Variants in CLCN3 observed in about 807,000 individuals in gnomAD.
The protein encoded by CLCN3 is H(+)/Cl(-) exchange transporter 3.
Under a neutral mutation model 83.4 loss-of-function variants are expected in CLCN3, and 16 were observed. The ratio of observed to expected loss-of-function variants is 0.19; its 90% CI spans 0.13 to 0.29. The LOEUF is 0.29. CLCN3 is among the 10% of genes least tolerant of loss of function. CLCN3 has a pLI of 1.00. For missense variants in CLCN3, 544 were observed against 1,006.0 expected (o/e 0.54, Z 6.21); for synonymous variants, 322 against 346.2 (o/e 0.93, Z 0.78).
chr4:169,702,942 C>T (rs1461395757), intron 9 of CLCN3: 1 of 165,618 alleles, frequency 6.0e-6, no homozygotes, highest in African/African-American at 2.3e-5. Flanking sequence ...GGACTAATTT[C>T]AATATCATTG....
chr4:169,629,216 A>G (rs1215214838), intron 1 of CLCN3, among the ~76,000 whole-genome samples: 1 of 152,140 alleles, frequency 6.6e-6, no homozygotes, highest in East Asian at 1.9e-4. Context: ...CTTGATTGTG[A>G]TATTGTACTA....
At chr4:169,660,720 G>A (rs1316116128) in intron 2 of CLCN3, among the ~76,000 whole-genome samples, 1 of 152,154 alleles carries the variant, frequency 6.6e-6, no homozygotes, top group African/African-American at 2.4e-5. Context: ...CTCTGAAAAT[G>A]AATTAATCTG....
chr4:169,704,251 C>A, intron 10 of CLCN3, 67 bp downstream of exon 10: 1 of 1,457,208 alleles, frequency 6.9e-7, no homozygotes. Context: ...GAAAGTGGGA[C>A]ACATTCTTGC....
intron 2 of CLCN3, among the ~76,000 whole-genome samples, chr4:169,670,190 C>G (rs980847232): frequency 1.3e-5 from 2 of 152,164 alleles, no homozygotes; most frequent in African/African-American, 4.8e-5. Context: ...GTCATGAAGT[C>G]TTTGCCAGTG....
chr4:169,679,465 C>A (rs1239810009), intron 2 of CLCN3, among the ~76,000 whole-genome samples: 2 of 151,588 alleles, frequency 1.3e-5, no homozygotes, highest in African/African-American at 2.4e-5. Flanking sequence ...CAGGCAGAGA[C>A]GCTCCTCACT....
intron 2 of CLCN3, among the ~76,000 whole-genome samples, chr4:169,676,187 TATG>T (rs1458078706): frequency 6.6e-6 from 1 of 152,234 alleles, no homozygotes; most frequent in African/African-American, 2.4e-5. Context: ...TGCAATTTAT[TATG>T]GCCAATTTTT....
intron 1 of CLCN3, among the ~76,000 whole-genome samples, chr4:169,635,116 C>A (rs1484016723): frequency 6.6e-6 from 1 of 152,122 alleles, no homozygotes; most frequent in Admixed American, 6.5e-5. Flanking sequence ...CTGTCATTTT[C>A]TGTGTGTACT....
chr4:169,626,625 G>C (rs1042010305), intron 1 of CLCN3, among the ~76,000 whole-genome samples: 1 of 152,154 alleles, frequency 6.6e-6, no homozygotes, highest in African/African-American at 2.4e-5. Context: ...GGCAGGAAAA[G>C]GTCAGCAAGA....
intron 2 of CLCN3, among the ~76,000 whole-genome samples, chr4:169,670,408 T>C (rs1359664760): frequency 2.6e-5 from 4 of 152,214 alleles, no homozygotes; most frequent in African/African-American, 9.7e-5. Context: ...TCAAGTTTGC[T>C]GAAGATCAGA....
chr4:169,632,649 G>A (rs1346333768), intron 1 of CLCN3, among the ~76,000 whole-genome samples: 3 of 149,660 alleles, frequency 2.0e-5, no homozygotes, highest in Non-Finnish European at 4.4e-5. Context: ...CCCAGGAGGC[G>A]GAGTTTGCAG....
At chr4:169,688,933 T>A (rs1732261522) in intron 4 of CLCN3, 110 bp from the exon 5 acceptor site, 1 of 785,788 alleles carries the variant, frequency 1.3e-6, no homozygotes, top group Non-Finnish European at 2.1e-6. Context: ...AGTTCATAAA[T>A]GACCCTTTAT....
intron 12 of CLCN3, among the ~76,000 whole-genome samples, chr4:169,718,581 A>C (rs944749310): frequency 1.3e-5 from 2 of 152,194 alleles, no homozygotes; most frequent in African/African-American, 4.8e-5. Context: ...ATTCATTTTA[A>C]CTGGCTTTAT....
At chr4:169,689,445 T>C (rs191127833) in intron 5 of CLCN3, among the ~76,000 whole-genome samples, 84 of 152,320 alleles carry the variant, frequency 5.5e-4, no homozygotes, top group Middle Eastern at 3.4e-3. Flanking sequence ...ATCCTCTGGA[T>C]TGTGGTGCAA....
At chr4:169,709,923 C>A (rs1733144295) in intron 11 of CLCN3, among the ~76,000 whole-genome samples, 1 of 150,242 alleles carries the variant, frequency 6.7e-6, no homozygotes. Flanking sequence ...CATAGCAAGA[C>A]CTTTGTCTCT....
intron 2 of CLCN3, among the ~76,000 whole-genome samples, chr4:169,679,756 G>GGCGC (rs1560853730): frequency 1.3e-5 from 2 of 152,176 alleles, no homozygotes; most frequent in Non-Finnish European, 2.9e-5. Context: ...CAGGCGTGGC[G>GGCGC]GCGCGTGCCT....
intron 2 of CLCN3, among the ~76,000 whole-genome samples, chr4:169,667,589 T>G (rs1169724365): frequency 6.6e-6 from 1 of 152,092 alleles, no homozygotes; most frequent in African/African-American, 2.4e-5. Context: ...ATTTCAGTAT[T>G]GGTAATACCT....
chr4:169,720,817 A>G lies in CLCN3; in HGVS notation c.*820A>G, dbSNP rs1304484237. ...TTGTGTGCCGTGTGGCTCAAAACCGAAAACAATGAAGCTTGGTTTTAAAGG... is the reference window on the plus strand; with the variant it reads ...TTGTGTGCCGTGTGGCTCAAAACCGGAAACAATGAAGCTTGGTTTTAAAGG... On this transcript the variant is annotated 3_prime_UTR_variant, in exon 13 of 13. Transcript: ENST00000513761. The G allele has an allele frequency of 1.3e-5, 2 of 152,622 alleles. No homozygotes were observed. Among genetic ancestry groups the G allele is most frequent in the Non-Finnish European group, 2.9e-5 (2 of 68,042 alleles). 9.5% of individuals were successfully genotyped at this position (152,622 alleles called of 1,614,324 possible).
chr4:169,642,320 G>T (rs1030819364), intron 2 of CLCN3, among the ~76,000 whole-genome samples: 2 of 152,078 alleles, frequency 1.3e-5, no homozygotes, highest in Non-Finnish European at 2.9e-5. Context: ...TTAGTTAAAT[G>T]ATTCAAAGTG....
intron 3 of CLCN3, among the ~76,000 whole-genome samples, chr4:169,686,607 G>A (rs1289606907): frequency 6.6e-6 from 1 of 152,118 alleles, no homozygotes; most frequent in Admixed American, 6.5e-5. Flanking sequence ...AGTAGAGAAG[G>A]GGTTTCACTG....
Sources: gnomAD v4.1 joint callset for allele counts (sites outside exome capture counted in the v4.1 genomes callset) on GRCh38, gnomAD v4.1.1 for gene constraint, MANE v1.5 for transcripts, NCBI Gene and HGNC (gene_info 2026-07-23, HGNC 2026-07-21) for gene names.